F12: variants seen among roughly 807,000 people sequenced by gnomAD.
F12 encodes Hageman factor.
In F12, 70 loss-of-function variants were observed where a neutral mutation model predicts 74.8. The observed-to-expected ratio is 0.94, with a 90% CI of 0.77 to 1.14. The LOEUF (loss-of-function observed/expected upper bound fraction) is 1.14, where lower values mean the gene tolerates loss of function less well. F12 is among the 50% of genes most tolerant of loss of function. The pLI is 0.00. For synonymous variants in F12, 373 were observed against 356.4 expected (o/e 1.05, Z -0.52); for missense variants, 811 against 835.7 (o/e 0.97, Z 0.36).
intron 2 of F12, among the ~76,000 whole-genome samples, chr5:177,408,370 T>C (rs552811552): frequency 6.6e-6 from 1 of 152,234 alleles, no homozygotes; most frequent in East Asian, 1.9e-4. Flanking sequence ...TAATTTAGTG[T>C]CTGGAAGAAT....
intron 10 of F12, 36 bp downstream of exon 10, chr5:177,403,823 G>T: frequency 6.8e-7 from 1 of 1,476,142 alleles, no homozygotes; most frequent in African/African-American, 1.4e-5. Context: ...GAGGAGCCGC[G>T]GCCCCTGGGG....
chr5:177,402,924 C>A lies in F12; in HGVS notation c.1532-226G>T, dbSNP rs1763175573. ...GGAGCGGAAACAGAAACCCCTCCCCCACCACCCATCCAGAGTCGCAGAACC... is the reference window on the plus strand; with the variant it reads ...GGAGCGGAAACAGAAACCCCTCCCCAACCACCCATCCAGAGTCGCAGAACC... On this transcript the variant is annotated intron_variant, in intron 12 of 13. Coordinates refer to ENST00000253496, the MANE Select transcript of F12 (RefSeq NM_000505.4). 1.2e-5 allele frequency: 8 copies of A among 692,708 alleles called. No individual in the cohort carries two copies. The South Asian group carries it at 1.5e-4, about 13-fold the overall frequency. 42.9% of individuals were successfully genotyped at this position (692,708 alleles called of 1,614,324 possible).
chr5:177,402,155 G>T lies in F12; in HGVS notation c.*137C>A. On this transcript the variant is annotated 3_prime_UTR_variant, in exon 14 of 14. Transcript: ENST00000253496. ...AGCTTTCCTTCTCAGCATTTTCAAAGCACTTTATTGAGTTCCTGCGCCATC... is the reference window on the plus strand; with the variant it reads ...AGCTTTCCTTCTCAGCATTTTCAAATCACTTTATTGAGTTCCTGCGCCATC... 1 of 1,129,626 alleles carries T rather than the reference G, an allele frequency of 8.9e-7. No individual in the cohort carries two copies. The highest frequency in any genetic ancestry group is 1.3e-6 in the Non-Finnish European group (1 of 778,298). 70.0% of individuals were successfully genotyped at this position (1,129,626 alleles called of 1,614,324 possible).
Position 177,402,674 on chromosome 5 carries a change from A to T in F12, c.1556T>A (p.Leu519Gln), listed in dbSNP as rs369126483. Reference protein sequence around the residue: ...FEGAEEYASFLQEAQVPFLSL... With the variant: ...FEGAEEYASFQQEAQVPFLSL... ...GAGGAACGGTACCTGCGCCTCCTGC[A>T]GGAAGCTGGCATATTCCTCCGCCCC... The change falls in exon 13 of 14, where the codon CTG becomes CAG. Residue 519 changes from leucine (L) to glutamine (Q), a missense_variant. Physicochemically the swap from Leu to Gln is moderately radical, Grantham distance 113 (BLOSUM62 -2). Transcript: ENST00000253496. The T allele has an allele frequency of 1.2e-6, 2 of 1,612,152 alleles. No homozygotes were observed. Among genetic ancestry groups the T allele is most frequent in the East Asian group, 2.2e-5 (1 of 44,894 alleles).
intron 6 of F12, 36 bp from the exon 7 acceptor site, chr5:177,404,950 T>A (rs1488131683): frequency 1.5e-5 from 24 of 1,586,236 alleles, no homozygotes; most frequent in Non-Finnish European, 2.0e-5. Context: ...CCCCTGGGCC[T>A]AAAGACCCCC....
At chr5:177,406,124 C>G in intron 2 of F12, 63 bp from the exon 3 acceptor site, 1 of 1,437,462 alleles carries the variant, frequency 7.0e-7, no homozygotes, top group Non-Finnish European at 9.8e-7. Flanking sequence ...CACTGTCCCT[C>G]AGGGTCTGGT....
At chr5:177,404,147 G>T in intron 9 of F12, 49 bp downstream of exon 9, 1 of 1,581,470 alleles carries the variant, frequency 6.3e-7, no homozygotes. Context: ...CCGGAATCTA[G>T]CTCGCCCGGC....
intron 10 of F12, 61 bp from the exon 11 acceptor site, chr5:177,403,678 G>A: frequency 2.5e-6 from 4 of 1,575,522 alleles, no homozygotes; most frequent in Non-Finnish European, 3.4e-6. Flanking sequence ...TTCTGGGGAA[G>A]CCCCCTGCTC....
At chr5:177,402,994 GCCTT>G in intron 12 of F12, 1 of 675,218 alleles carries the variant, frequency 1.5e-6, no homozygotes, top group Non-Finnish European at 2.5e-6. Flanking sequence ...GTCCTAGTTG[GCCTT>G]TGCAGCCCGG....
At chr5:177,405,656 T>A in intron 4 of F12, 79 bp downstream of exon 4, 1 of 1,407,248 alleles carries the variant, frequency 7.1e-7, no homozygotes, top group Non-Finnish European at 1.0e-6. Flanking sequence ...ATCCCAGGTG[T>A]GTGGGGTCTG....
chr5:177,404,888 C>A lies in F12; in HGVS notation c.556G>T (p.Gly186Trp). ...CCCTCCACCTCTAGGCAGCGACCCC[C>A]ATGGAGGCACGGGTTGGTGCGGCAG... ...QACRTNPCLH[G>W]GRCLEVEGHR... is the part of the protein sequence containing the mutation. Residue 186 changes from glycine to tryptophan, a missense_variant, in exon 7 of 14, where the codon GGG becomes TGG. By Grantham distance (184) the Gly-to-Trp change is radical. Transcript: ENST00000253496. 1 of 1,608,078 alleles carries A rather than the reference C, an allele frequency of 6.2e-7. No individual in the cohort carries two copies. Among genetic ancestry groups the A allele is most frequent in the Non-Finnish European group, 8.5e-7 (1 of 1,178,506 alleles).
rs971250743 is a variant in F12, at chr5:177,402,574, G to A, written c.1656C>T (p.Leu552=). The A allele has an allele frequency of 3.1e-6, 5 of 1,612,576 alleles. No individual in the cohort carries two copies. The highest frequency in any genetic ancestry group is 3.3e-5 in the Admixed American group (2 of 59,956). The change falls in exon 13 of 14, where the codon CTC becomes CTT. Residue 552 remains leucine (L), a synonymous_variant. Coordinates refer to ENST00000253496, the MANE Select transcript of F12 (RefSeq NM_000505.4). Reference sequence around the variant, plus strand: ...CCTGGCACGCATCGGTGCCGCCCTCGAGGAACCCTGCGCAGAGCATGCCGG... The same window carrying A: ...CCTGGCACGCATCGGTGCCGCCCTCAAGGAACCCTGCGCAGAGCATGCCGG... ...ILPGMLCAGF[L]EGGTDACQGD... is the part of the protein sequence containing the mutation.
At chr5:177,409,326 T>C in intron 1 of F12, 145 bp downstream of exon 1, 1 of 1,051,694 alleles carries the variant, frequency 9.5e-7, no homozygotes, top group Non-Finnish European at 1.4e-6. Context: ...CTCCTCTGCC[T>C]GGGCCTTCCG....
intron 2 of F12, among the ~76,000 whole-genome samples, chr5:177,408,213 G>A (rs1763333917): frequency 6.6e-6 from 1 of 152,098 alleles, no homozygotes; most frequent in Non-Finnish European, 1.5e-5. Flanking sequence ...ATGCCACCAT[G>A]CCTGGCTAAT....
intron 12 of F12, chr5:177,402,924 C>T: frequency 1.4e-6 from 1 of 692,826 alleles, no homozygotes; most frequent in Non-Finnish European, 2.4e-6. Flanking sequence ...ACCCCTCCCC[C>T]ACCACCCATC....
chr5:177,405,288 C>G (rs1279207156), intron 5 of F12, 35 bp downstream of exon 5: 4 of 1,613,722 alleles, frequency 2.5e-6, no homozygotes, highest in Non-Finnish European at 3.4e-6. Context: ...CCCCTGTCCC[C>G]CAGCACCCCG....
intron 2 of F12, among the ~76,000 whole-genome samples, chr5:177,406,482 C>T (rs370235283): frequency 1.3e-5 from 2 of 151,600 alleles, no homozygotes; most frequent in South Asian, 2.1e-4. Flanking sequence ...GAGTGAGACT[C>T]CATCTTAAAG....
intron 2 of F12, among the ~76,000 whole-genome samples, chr5:177,407,064 G>A (rs548084396): frequency 7.9e-4 from 121 of 152,332 alleles, no homozygotes; most frequent in African/African-American, 1.8e-3. Flanking sequence ...GGGAGAAAGC[G>A]TGTGTTAGAC....
At chr5:177,404,460 C>T (rs1294466426) in intron 8 of F12, 39 bp downstream of exon 8, 3 of 1,597,732 alleles carry the variant, frequency 1.9e-6, no homozygotes, top group Non-Finnish European at 1.7e-6. Flanking sequence ...GAGCCCGGAG[C>T]CCTGGGGCGG....
Sources: gnomAD v4.1 joint callset for allele counts (sites outside exome capture counted in the v4.1 genomes callset) on GRCh38, gnomAD v4.1.1 for gene constraint, MANE v1.5 for transcripts, NCBI Gene and HGNC (gene_info 2026-07-23, HGNC 2026-07-21) for gene names.